The following PCDHA12 variants were observed in gnomAD, a reference collection of about 807,000 sequenced individuals.
The protein encoded by PCDHA12 is protocadherin alpha 12.
In PCDHA12, 44 loss-of-function variants were observed where a neutral mutation model predicts 60.0. The ratio of observed to expected loss-of-function variants is 0.73; its 90% CI spans 0.58 to 0.94. The LOEUF is 0.94. Among genes scored for constraint, PCDHA12 ranks in the 40% least tolerant of loss-of-function variants. The pLI is 0.00. For synonymous variants in PCDHA12, 569 were observed against 553.0 expected, an observed-to-expected ratio of 1.03 and a Z score of -0.40; for missense variants, 1,276 against 1,239.7, an observed-to-expected ratio of 1.03 and a Z score of -0.44.
At chr5:140,984,975 T>A (rs571343368) in intron 3 of PCDHA12, among the ~76,000 whole-genome samples, 1 of 152,128 alleles carries the variant, frequency 6.6e-6, no homozygotes, top group Admixed American at 6.5e-5. Flanking sequence ...TCTCGCTCTG[T>A]CCCCCAGGCT....
intron 1 of PCDHA12, among the ~76,000 whole-genome samples, chr5:140,976,680 C>T (rs2096726528): frequency 6.6e-6 from 1 of 152,146 alleles, no homozygotes; most frequent in African/African-American, 2.4e-5. Context: ...CTCATTTTTG[C>T]AATTTAAGTA....
intron 3 of PCDHA12, among the ~76,000 whole-genome samples, chr5:140,988,762 C>T (rs546274253): frequency 6.6e-6 from 1 of 152,308 alleles, no homozygotes; most frequent in South Asian, 2.1e-4. Context: ...GGGCAGAATA[C>T]AGTCATGGTT....
At chr5:140,945,000 G>T (rs980802301) in intron 1 of PCDHA12, among the ~76,000 whole-genome samples, 2 of 151,862 alleles carry the variant, frequency 1.3e-5, no homozygotes. Flanking sequence ...AACGGTTGTG[G>T]GTCATGAATT....
chr5:140,994,105 A>G (rs1264024543), intron 3 of PCDHA12, among the ~76,000 whole-genome samples: 2 of 152,226 alleles, frequency 1.3e-5, no homozygotes, highest in African/African-American at 2.4e-5. Context: ...TGGAAATATT[A>G]CATTGTCATG....
chr5:140,982,795 A>ATG (rs60616196), intron 3 of PCDHA12, among the ~76,000 whole-genome samples: 5,064 of 151,610 alleles, frequency 0.033, 263 homozygotes, highest in African/African-American at 0.11. Context: ...GCATGTGTGC[A>ATG]TGTGTGTGTG....
chr5:140,927,051 G>T, intron 1 of PCDHA12: 1 of 1,612,116 alleles, frequency 6.2e-7, no homozygotes, highest in South Asian at 1.1e-5. Flanking sequence ...TGTCCTCGCG[G>T]AACTTTCGCT....
intron 1 of PCDHA12, chr5:140,968,608 T>C: frequency 6.2e-7 from 1 of 1,614,242 alleles, no homozygotes; most frequent in South Asian, 1.1e-5. Context: ...ACTCAGACTC[T>C]GGGCAAAATG....
intron 1 of PCDHA12, among the ~76,000 whole-genome samples, chr5:140,945,853 A>G (rs782332952): frequency 6.6e-6 from 1 of 152,190 alleles, no homozygotes; most frequent in Non-Finnish European, 1.5e-5. Flanking sequence ...AAAGACTTAA[A>G]CATAGACCTG....
At chr5:140,954,076 C>T (rs941125208) in intron 1 of PCDHA12, among the ~76,000 whole-genome samples, 4 of 152,150 alleles carry the variant, frequency 2.6e-5, no homozygotes, top group Non-Finnish European at 2.9e-5. Context: ...AGGATAATGG[C>T]TTCCAGCTCC....
Position 140,877,374 on chromosome 5 carries a change from A to T in PCDHA12, c.1902A>T (p.Thr634=). The T allele has an allele frequency of 6.2e-7, 1 of 1,613,970 alleles. No homozygotes were observed. The highest frequency in any genetic ancestry group is 1.3e-5 in the African/African-American group (1 of 75,036). ...VGLYTGEIST[T]RILDEADAPR... is the part of the protein sequence containing the mutation. The stretch of plus-strand genomic sequence containing the variant: ...TGTACACTGGCGAGATCAGCACGAC[A>T]CGCATCCTGGATGAGGCGGACGCTC... Residue 634 remains threonine, a synonymous_variant, in exon 1 of 4, where the codon ACA becomes ACT. Transcript: ENST00000398631.
In PCDHA12 at chr5:140,877,270, G is replaced by C; in HGVS notation, c.1798G>C (p.Asp600His). The C allele has an allele frequency of 1.2e-6, 2 of 1,613,864 alleles. No individual in the cohort carries two copies. The highest frequency in any genetic ancestry group is 1.7e-6 in the Non-Finnish European group (2 of 1,179,822). Reference sequence around the variant, plus strand: ...GGCGAAAGTGCGCGCGGTGGACGCTGACTCCGGCTATAACGCTTGGCTGTC... The same window carrying C: ...GGCGAAAGTGCGCGCGGTGGACGCTCACTCCGGCTATAACGCTTGGCTGTC... Reference protein sequence around the residue: ...VVAKVRAVDADSGYNAWLSYE... With the variant: ...VVAKVRAVDAHSGYNAWLSYE... Residue 600 changes from aspartate (D) to histidine (H), a missense_variant, in exon 1 of 4, where the codon GAC becomes CAC. Physicochemically the swap from Asp to His is moderately conservative, Grantham distance 81 (BLOSUM62 -1). Transcript: ENST00000398631.
intron 3 of PCDHA12, among the ~76,000 whole-genome samples, chr5:140,996,055 C>A (rs1289526573): frequency 6.6e-6 from 1 of 152,164 alleles, no homozygotes; most frequent in Non-Finnish European, 1.5e-5. Flanking sequence ...GTGCTTGGCA[C>A]ACAGTAAAGA....
intron 1 of PCDHA12, chr5:140,883,577 G>C: frequency 1.2e-6 from 2 of 1,614,052 alleles, no homozygotes; most frequent in South Asian, 1.1e-5. Context: ...TTCGCTGTGG[G>C]CCACGGCCAG....
intron 1 of PCDHA12, chr5:140,967,642 C>T (rs1554229731): frequency 1.2e-6 from 2 of 1,614,164 alleles, no homozygotes. Flanking sequence ...ATGGTGAGCT[C>T]AGGTACTCCT....
intron 1 of PCDHA12, among the ~76,000 whole-genome samples, chr5:140,896,874 A>G (rs1009285499): frequency 1.3e-5 from 2 of 152,102 alleles, no homozygotes; most frequent in Non-Finnish European, 2.9e-5. Flanking sequence ...GTACATATTT[A>G]TGGGGTATAT....
intron 1 of PCDHA12, chr5:140,882,745 T>A (rs782756975): frequency 4.3e-6 from 7 of 1,614,124 alleles, no homozygotes; most frequent in African/African-American, 1.3e-5. Flanking sequence ...GCGCATCCGA[T>A]GCAGATATTG....
At chr5:140,927,793 C>A in intron 1 of PCDHA12, 1 of 1,614,180 alleles carries the variant, frequency 6.2e-7, no homozygotes, top group Non-Finnish European at 8.5e-7. Context: ...TTCACTAGGT[C>A]CGCCTGAAAC....
At chr5:141,007,019 A>G (rs1230035062) in intron 3 of PCDHA12, among the ~76,000 whole-genome samples, 1 of 152,192 alleles carries the variant, frequency 6.6e-6, no homozygotes, top group African/African-American at 2.4e-5. Flanking sequence ...CAGCTTATTC[A>G]TATGGTATTT....
At chr5:140,914,414 C>A (rs1554196336) in intron 1 of PCDHA12, among the ~76,000 whole-genome samples, 1 of 152,038 alleles carries the variant, frequency 6.6e-6, no homozygotes, top group African/African-American at 2.4e-5. Context: ...GTTTTGTTTC[C>A]ATTAGCAAGG....
Sources: gnomAD v4.1 joint callset for allele counts (sites outside exome capture counted in the v4.1 genomes callset) on GRCh38, gnomAD v4.1.1 for gene constraint, MANE v1.5 for transcripts, NCBI Gene and HGNC (gene_info 2026-07-23, HGNC 2026-07-21) for gene names.